The following C19orf25 variants were observed in gnomAD, a reference collection of about 807,000 sequenced individuals.
C19orf25 encodes chromosome 19 open reading frame 25, also known as UPF0449 protein C19orf25.
Under a neutral mutation model 3.1 loss-of-function variants are expected in C19orf25, and 1 was observed. The ratio of observed to expected loss-of-function variants is 0.32; its 90% CI spans 0.12 to 1.54. The LOEUF is 1.54. C19orf25 is among the 40% of genes most tolerant of loss of function. The pLI is 0.38. For missense variants in C19orf25, 196 were observed against 160.4 expected, an observed-to-expected ratio of 1.22 and a Z score of -1.20; for synonymous variants, 91 against 74.3, an observed-to-expected ratio of 1.23 and a Z score of -1.16.
intron 2 of C19orf25, chr19:1,475,959 A>G: frequency 2.7e-6 from 1 of 372,898 alleles, no homozygotes; most frequent in Non-Finnish European, 4.8e-6. Flanking sequence ...CTGTCTCTGG[A>G]AGCCAGAGAC....
At position 1,478,642 on chromosome 19, in the gene C19orf25, G is replaced by T. The variant is rs1467514245; in HGVS notation, c.130+132C>A. The stretch of plus-strand genomic sequence containing the variant: ...ACGGAGGAGTAGAGGGAGACTCGGA[G>T]AGGATACGGACCGTGCCCATGTTGC... On this transcript the variant is annotated intron_variant, in intron 2 of 2. Coordinates refer to ENST00000585675, the MANE Select transcript of C19orf25 (RefSeq NM_152482.3). 2.1e-6 allele frequency: 3 copies of T among 1,458,306 alleles called. No individual in the cohort carries two copies. The African/African-American group carries it at 4.3e-5, about 21-fold the overall frequency. 90.3% of individuals were successfully genotyped at this position (1,458,306 alleles called of 1,614,324 possible).
chr19:1,476,764 A>G (rs935033248), intron 2 of C19orf25, among the ~76,000 whole-genome samples: 1 of 151,848 alleles, frequency 6.6e-6, no homozygotes, highest in African/African-American at 2.4e-5. Flanking sequence ...CCACAGGTGC[A>G]TGCCACCACA....
chr19:1,476,522 G>A (rs562458896), intron 2 of C19orf25: 33 of 382,558 alleles, frequency 8.6e-5, no homozygotes, highest in African/African-American at 5.4e-4. Flanking sequence ...GACCAGTACC[G>A]GCCCACAGAA....
chr19:1,478,780 G>A lies in C19orf25; in HGVS notation c.124C>T (p.Pro42Ser), dbSNP rs368399071. 2 of 1,573,510 alleles carry A rather than the reference G, an allele frequency of 1.3e-6. No homozygotes were observed. The highest frequency in any genetic ancestry group is 4.7e-5 in the East Asian group (2 of 42,464). The change falls in exon 2 of 3, where the codon CCG becomes TCG. Residue 42 changes from proline (P) to serine (S), a missense_variant. Transcript: ENST00000585675. ...GGGACCGGGCTCCCCCTACCTTCCG[G>A]GGCCAGGATGGTGAACACTGGATCC... is the stretch of plus-strand genomic sequence containing the variant. ...AEDPVFTILA[P>S]EDPPVPFRMM...
Position 1,475,068 on chromosome 19 carries a change from T to G in C19orf25, c.321A>C (p.Ala107=), listed in dbSNP as rs2084190200. The G allele has an allele frequency of 6.2e-7, 1 of 1,603,692 alleles. No individual in the cohort carries two copies. Among genetic ancestry groups the G allele is most frequent in the Non-Finnish European group, 8.5e-7 (1 of 1,176,516 alleles). ...LEREVAQMKQ[A]ALPAAEAASS... ...AGGCAGCCTCGGCTGCCGGTAATGC[T>G]GCCTGCTTCATCTGGGCCACCTCCC... Residue 107 remains alanine, a synonymous_variant, in exon 3 of 3, where the codon GCA becomes GCC. Coordinates refer to ENST00000585675, the MANE Select transcript of C19orf25 (RefSeq NM_152482.3).
chr19:1,478,510 G>T (rs1191991527), intron 2 of C19orf25: 1 of 1,106,674 alleles, frequency 9.0e-7, no homozygotes, highest in Non-Finnish European at 1.2e-6. Flanking sequence ...CTGGGCTCAA[G>T]CGATCCTCCC....
At chr19:1,479,034 G>A in intron 1 of C19orf25, 129 bp from the exon 2 acceptor site, 1 of 624,778 alleles carries the variant, frequency 1.6e-6, no homozygotes. Context: ...GCCCTGTCCC[G>A]CCCCTCTGAG....
At chr19:1,478,663 G>A in intron 2 of C19orf25, 111 bp downstream of exon 2, 1 of 1,507,506 alleles carries the variant, frequency 6.6e-7, no homozygotes, top group Non-Finnish European at 8.9e-7. Context: ...CCGTGCCCAT[G>A]TTGCGGGGGT....
Position 1,474,590 on chromosome 19 carries a change from G to A in C19orf25, c.*442C>T. The A allele has an allele frequency of 4.5e-6, 2 of 444,864 alleles. No homozygotes were observed. The highest frequency in any genetic ancestry group is 7.8e-6 in the Non-Finnish European group (2 of 254,980). The allele number at this position is 444,864 out of a possible 1,614,324, so 27.6% of individuals were successfully genotyped here. ...GTCAGGGGCTCAGGCTGGCCCTCGG[G>A]CTGCTCTGACATTGGGTGGGCACTC... On this transcript the variant is annotated 3_prime_UTR_variant, in exon 3 of 3. Coordinates refer to ENST00000585675, the MANE Select transcript of C19orf25 (RefSeq NM_152482.3).
intron 2 of C19orf25, among the ~76,000 whole-genome samples, chr19:1,476,700 T>G (rs1161398641): frequency 6.6e-6 from 1 of 152,174 alleles, no homozygotes; most frequent in African/African-American, 2.4e-5. Context: ...GGCTGGAGAC[T>G]CCAACTCCTG....
rs748788700 is a variant in C19orf25, at chr19:1,475,030, G to A, written c.*2C>T. 16 of 1,583,102 alleles carry A rather than the reference G, an allele frequency of 1.0e-5. No homozygotes were observed. The highest frequency in any genetic ancestry group is 1.4e-5 in the Non-Finnish European group (16 of 1,167,746). ...CTGCCCAAGCCTGCAGGCCCCGAGAGGTCAGCCTGAGGAGGCAGCCTCGGC... is the reference window on the plus strand; with the variant it reads ...CTGCCCAAGCCTGCAGGCCCCGAGAAGTCAGCCTGAGGAGGCAGCCTCGGC... On this transcript the variant is annotated 3_prime_UTR_variant, in exon 3 of 3. Coordinates refer to ENST00000585675, the MANE Select transcript of C19orf25 (RefSeq NM_152482.3).
intron 2 of C19orf25, chr19:1,475,470 C>T (rs1302355641): frequency 7.0e-6 from 4 of 572,242 alleles, no homozygotes; most frequent in Non-Finnish European, 1.2e-5. Flanking sequence ...CACTTGAGCC[C>T]AAGAGTTAGA....
intron 1 of C19orf25, 70 bp from the exon 2 acceptor site, chr19:1,478,975 C>T (rs2084236136): frequency 1.4e-6 from 2 of 1,463,850 alleles, no homozygotes; most frequent in African/African-American, 1.5e-5. Flanking sequence ...GCTCCTCCCG[C>T]CCAGCGAACT....
At chr19:1,477,193 G>A (rs1044952861) in intron 2 of C19orf25, among the ~76,000 whole-genome samples, 2 of 151,940 alleles carry the variant, frequency 1.3e-5, no homozygotes, top group African/African-American at 4.8e-5. Context: ...GTAGAGACGG[G>A]GTTTCACCAT....
chr19:1,475,974 C>G, intron 2 of C19orf25: 2 of 383,206 alleles, frequency 5.2e-6, no homozygotes, highest in Non-Finnish European at 9.2e-6. Context: ...AGAGACGCAA[C>G]AAGCCCGCCA....
chr19:1,474,926 C>T lies in C19orf25; in HGVS notation c.*106G>A, dbSNP rs780609062. 2.4e-5 allele frequency: 36 copies of T among 1,526,546 alleles called. No individual in the cohort carries two copies. Among genetic ancestry groups the T allele is most frequent in the African/African-American group, 9.6e-5 (7 of 72,766 alleles). 94.6% of individuals were successfully genotyped at this position (1,526,546 alleles called of 1,614,324 possible). A position where few individuals can be genotyped will look rare whatever the true frequency, so the allele number is the denominator to read the frequency against. On this transcript the variant is annotated 3_prime_UTR_variant, in exon 3 of 3. Coordinates refer to ENST00000585675, the MANE Select transcript of C19orf25 (RefSeq NM_152482.3). The stretch of plus-strand genomic sequence containing the variant: ...GGAGGGGCGCCTGTGTCAACACCCA[C>T]GTGGGCTGGGACCCCGTGAATGCCA...
In C19orf25 at chr19:1,479,194, C is replaced by T. The variant is rs935742450; in HGVS notation, c.-34G>A. 1.6e-6 allele frequency: 2 copies of T among 1,261,174 alleles called. No homozygotes were observed. The highest frequency in any genetic ancestry group is 2.0e-6 in the Non-Finnish European group (2 of 1,002,686). 78.1% of individuals were successfully genotyped at this position (1,261,174 alleles called of 1,614,324 possible). A position where few individuals can be genotyped will look rare whatever the true frequency, so the allele number is the denominator to read the frequency against. ...GCGGGACCCGAAAGCCCAGCGTCGACGACGCAGCCACTTCCGATTCCGGTC... is the reference window on the plus strand; with the variant it reads ...GCGGGACCCGAAAGCCCAGCGTCGATGACGCAGCCACTTCCGATTCCGGTC... On this transcript the variant is annotated 5_prime_UTR_variant, in exon 1 of 3. Coordinates refer to ENST00000585675, the MANE Select transcript of C19orf25 (RefSeq NM_152482.3).
At chr19:1,477,302 G>C (rs749587396) in intron 2 of C19orf25, among the ~76,000 whole-genome samples, 2 of 152,122 alleles carry the variant, frequency 1.3e-5, no homozygotes, top group Admixed American at 6.6e-5. Context: ...GCACCTGGCC[G>C]ATTCATCTTC....
chr19:1,478,543 G>A (rs2084229647), intron 2 of C19orf25: 2 of 1,290,876 alleles, frequency 1.5e-6, no homozygotes, highest in South Asian at 2.0e-5. Context: ...GAAAGTGCTG[G>A]GCTTACAGGC....
Sources: allele counts gnomAD v4.1 joint callset (sites outside exome capture counted in the v4.1 genomes callset), GRCh38; gene constraint gnomAD v4.1.1; transcripts MANE v1.5; gene names NCBI Gene and HGNC (gene_info 2026-07-23, HGNC 2026-07-21).